BTBD1: variants seen among roughly 807,000 people sequenced by gnomAD.
BTBD1 encodes the protein BTB/POZ domain-containing protein 1.
In BTBD1, 34 loss-of-function variants were observed where a neutral mutation model predicts 48.0. The observed-to-expected ratio is 0.71, with a 90% CI of 0.54 to 0.94. The LOEUF (loss-of-function observed/expected upper bound fraction) is 0.94. BTBD1 is among the 40% of genes least tolerant of loss of function. The probability of loss-of-function intolerance (pLI) is 0.00; values close to 1 mark genes in which losing one functional copy is unlikely to be tolerated. For synonymous variants in BTBD1, 261 were observed against 242.1 expected (o/e 1.08, Z -0.72); for missense variants, 543 against 625.6 (o/e 0.87, Z 1.41).
intron 2 of BTBD1, 46 bp downstream of exon 2, chr15:83,056,343 C>A: frequency 7.1e-7 from 1 of 1,404,006 alleles, no homozygotes; most frequent in South Asian, 1.2e-5. Context: ...ATAGTTTACT[C>A]AATTTTAAAA....
At chr15:83,048,213 C>G (rs1406081505) in intron 3 of BTBD1, among the ~76,000 whole-genome samples, 9 of 152,120 alleles carry the variant, frequency 5.9e-5, no homozygotes, top group Admixed American at 5.9e-4. Flanking sequence ...CCCAAGCAAT[C>G]AGGTTCATGG....
rs1277176220 is a variant in BTBD1 at position 83,018,136 on chromosome 15, A to G, written c.1380T>C (p.Ser460=). The G allele has an allele frequency of 6.2e-6, 10 of 1,612,328 alleles. No homozygotes were observed. The highest frequency in any genetic ancestry group is 8.5e-6 in the Non-Finnish European group (10 of 1,179,084). The change falls in exon 8 of 8, where the codon AGT becomes AGC. Residue 460 remains serine (S), a synonymous_variant. Transcript: ENST00000261721. The stretch of plus-strand genomic sequence containing the variant: ...AAGTGCCATTATTATTGCCAGGGGA[A>G]CTAAAAAAGAAAAAAACAGTCTTGC... The part of the protein sequence containing the change: ...AASKTVFFFF[S]SPGNNNGTSI...
At chr15:83,032,969 C>CAAAAAAAAAAAAAAAAAAAAAAAA (rs56152195) in intron 4 of BTBD1, among the ~76,000 whole-genome samples, 8 of 87,008 alleles carry the variant, frequency 9.2e-5, no homozygotes, top group African/African-American at 4.0e-4. Context: ...TACTCTGTCT[C>CAAAAAAAAAAAAAAAAAAAAAAAA]AAAAAAAAAA....
At chr15:83,043,503 T>C (rs1331868002) in intron 3 of BTBD1, among the ~76,000 whole-genome samples, 1 of 152,184 alleles carries the variant, frequency 6.6e-6, no homozygotes, top group Non-Finnish European at 1.5e-5. Context: ...TCACCCTGGC[T>C]TCTGTGTTGA....
At chr15:83,019,336 A>G (rs1301943282) in intron 6 of BTBD1, among the ~76,000 whole-genome samples, 1 of 151,900 alleles carries the variant, frequency 6.6e-6, no homozygotes, top group Non-Finnish European at 1.5e-5. Flanking sequence ...TGCTGGTGTG[A>G]GCCACTGCGC....
chr15:83,061,825 T>G (rs28495817), intron 1 of BTBD1: 1 of 152,120 alleles, frequency 6.6e-6, no homozygotes. Context: ...CTGTAAAAGA[T>G]AATAAAAGTT....
chr15:83,058,349 GACTT>G (rs1426184970), intron 1 of BTBD1, among the ~76,000 whole-genome samples: 3 of 152,094 alleles, frequency 2.0e-5, no homozygotes, highest in South Asian at 2.1e-4. Context: ...CATTGTAATG[GACTT>G]ACTATTTTTT....
intron 4 of BTBD1, among the ~76,000 whole-genome samples, chr15:83,036,917 C>G (rs2032640579): frequency 6.6e-6 from 1 of 151,962 alleles, no homozygotes; most frequent in Non-Finnish European, 1.5e-5. Context: ...AGATTAGTGA[C>G]TTAGAGGGTC....
At position 83,066,744 on chromosome 15, in the gene BTBD1, C is replaced by G; in HGVS notation, c.401+7G>C. ...CCCGGCCCGGCCCGGCCCGCGCTGC[C>G]GCTCACCTCAGCAGCGCCAGGAAGG... On this transcript the variant is annotated splice_region_variant and intron_variant, in intron 1 of 7. Coordinates refer to ENST00000261721, the MANE Select transcript of BTBD1 (RefSeq NM_025238.4). 7.5e-7 allele frequency: 1 copy of G among 1,341,542 alleles called. No homozygotes were observed. The highest frequency in any genetic ancestry group is 1.9e-5 in the South Asian group (1 of 52,928). 83.1% of individuals were successfully genotyped at this position (1,341,542 alleles called of 1,614,324 possible).
chr15:83,021,137 C>T (rs999596855), intron 5 of BTBD1, among the ~76,000 whole-genome samples: 1 of 152,192 alleles, frequency 6.6e-6, no homozygotes, highest in Non-Finnish European at 1.5e-5. Flanking sequence ...CAAATACTTA[C>T]TAAGGGCTTA....
chr15:83,038,518 AC>A (rs965860127), intron 4 of BTBD1, among the ~76,000 whole-genome samples: 2 of 152,152 alleles, frequency 1.3e-5, no homozygotes, highest in Admixed American at 6.5e-5. Flanking sequence ...CAAACTACCA[AC>A]ATCATTTTTC....
Position 83,048,711 on chromosome 15 carries a change from C to T in BTBD1, c.664+1362G>A, listed in dbSNP as rs1218955686. Among the ~76,000 whole-genome samples, 3 of 152,172 alleles carry T rather than the reference C, an allele frequency of 2.0e-5. No individual in the cohort carries two copies. The East Asian group carries it at 5.8e-4, about 29-fold the overall frequency. On this transcript the variant is annotated intron_variant, in intron 3 of 7. Transcript: ENST00000261721. Reference sequence around the variant, plus strand: ...CGAAAGCAATTTTACCATGAGCTAACTGATAGAAACAAGAGTTAAGTTCCT... The same window carrying T: ...CGAAAGCAATTTTACCATGAGCTAATTGATAGAAACAAGAGTTAAGTTCCT...
chr15:83,062,457 A>G (rs892586060), intron 1 of BTBD1, among the ~76,000 whole-genome samples: 2 of 152,142 alleles, frequency 1.3e-5, no homozygotes, highest in African/African-American at 2.4e-5. Context: ...GCAAGAATAA[A>G]TTATTGCTTT....
chr15:83,036,866 A>G (rs943923862), intron 4 of BTBD1, among the ~76,000 whole-genome samples: 19 of 152,192 alleles, frequency 1.2e-4, no homozygotes, highest in African/African-American at 4.6e-4. Context: ...TATGGACACA[A>G]CTAATTTATA....
At chr15:83,034,509 G>C (rs1421070250) in intron 4 of BTBD1, among the ~76,000 whole-genome samples, 2 of 152,176 alleles carry the variant, frequency 1.3e-5, no homozygotes, top group Non-Finnish European at 2.9e-5. Context: ...AGCTACTAAG[G>C]AGGCTGAGGC....
intron 2 of BTBD1, among the ~76,000 whole-genome samples, chr15:83,051,251 A>G (rs913545704): frequency 6.6e-6 from 1 of 152,174 alleles, no homozygotes; most frequent in African/African-American, 2.4e-5. Context: ...TTCTGAGAAT[A>G]CTGCCAATTA....
At chr15:83,055,318 C>T (rs977054089) in intron 2 of BTBD1, among the ~76,000 whole-genome samples, 9 of 152,258 alleles carry the variant, frequency 5.9e-5, no homozygotes, top group Middle Eastern at 3.4e-3. Context: ...ACTGCAATGG[C>T]GCAATCTCGG....
intron 1 of BTBD1, among the ~76,000 whole-genome samples, chr15:83,060,292 C>T (rs1451845766): frequency 6.6e-6 from 1 of 151,336 alleles, no homozygotes; most frequent in Non-Finnish European, 1.5e-5. Flanking sequence ...TAAAAAAAAA[C>T]TAAGCCAAGG....
chr15:83,021,768 A>C (rs1567101417), intron 5 of BTBD1, among the ~76,000 whole-genome samples: 1 of 150,972 alleles, frequency 6.6e-6, no homozygotes, highest in East Asian at 1.9e-4. Flanking sequence ...AATAATAATA[A>C]TACATATGGA....
Sources: allele counts gnomAD v4.1 joint callset (sites outside exome capture counted in the v4.1 genomes callset), GRCh38; gene constraint gnomAD v4.1.1; transcripts MANE v1.5; gene names NCBI Gene and HGNC (gene_info 2026-07-23, HGNC 2026-07-21).